Variants in ZMYND8 observed in about 807,000 individuals in gnomAD.
ZMYND8 encodes the protein MYND-type zinc finger-containing chromatin reader ZMYND8.
In ZMYND8, 37 loss-of-function variants were observed where a neutral mutation model predicts 140.8. The ratio of observed to expected loss-of-function variants is 0.26; its 90% CI spans 0.20 to 0.35. ZMYND8 has a LOEUF of 0.35. Among genes scored for constraint, ZMYND8 ranks in the 10% least tolerant of loss-of-function variants. The pLI is 1.00. For missense variants in ZMYND8, 1,068 were observed against 1,570.0 expected, an observed-to-expected ratio of 0.68 and a Z score of 5.40; for synonymous variants, 592 against 597.1, an observed-to-expected ratio of 0.99 and a Z score of 0.12.
intron 11 of ZMYND8, among the ~76,000 whole-genome samples, chr20:47,269,160 C>CT (rs1474666430): frequency 1.3e-5 from 2 of 152,178 alleles, no homozygotes; most frequent in African/African-American, 4.8e-5. Context: ...GATCATGCCA[C>CT]TGCACTCCAG....
At position 47,298,605 on chromosome 20, in the gene ZMYND8, A is replaced by G. The variant is rs2077800462; in HGVS notation, c.453+124T>C. ...AAGAAGGGGGTGACCAGGATAGAAC[A>G]GGTGGAAAGCAAGAAATTTCTCTTT... On this transcript the variant is annotated intron_variant, in intron 4 of 22. Coordinates refer to ENST00000471951, the MANE Select transcript of ZMYND8 (RefSeq NM_001281775.3). The surrounding 1 kb of genome is among the most constrained non-coding windows in gnomAD (Gnocchi z 5.0). 2 of 1,500,442 alleles carry G rather than the reference A, an allele frequency of 1.3e-6. No individual in the cohort carries two copies. Among genetic ancestry groups the G allele is most frequent in the Non-Finnish European group, 8.9e-7 (1 of 1,123,968 alleles). The allele number at this position is 1,500,442 out of a possible 1,614,324, so 92.9% of individuals were successfully genotyped here. A position where few individuals can be genotyped will look rare whatever the true frequency, so the allele number is the denominator to read the frequency against.
intron 2 of ZMYND8, among the ~76,000 whole-genome samples, chr20:47,346,972 C>G (rs6066279): frequency 6.6e-6 from 1 of 152,160 alleles, no homozygotes; most frequent in African/African-American, 2.4e-5. Context: ...TCACTTTGTG[C>G]GACACTCTGC....
chr20:47,318,967 G>A, intron 2 of ZMYND8: 1 of 1,351,584 alleles, frequency 7.4e-7, no homozygotes, highest in South Asian at 1.1e-5. Flanking sequence ...TTGAGAAAGT[G>A]CGGCTGCTCA....
intron 4 of ZMYND8, among the ~76,000 whole-genome samples, chr20:47,297,040 A>G (rs1304111563): frequency 6.6e-6 from 1 of 152,156 alleles, no homozygotes; most frequent in Admixed American, 6.5e-5. Context: ...AACAATTGGG[A>G]AAAGTTGGCC....
At chr20:47,216,049 G>A (rs949536584) in intron 21 of ZMYND8, among the ~76,000 whole-genome samples, 4 of 152,204 alleles carry the variant, frequency 2.6e-5, no homozygotes, top group Admixed American at 1.3e-4. Flanking sequence ...AGCACACCAC[G>A]GAGGCCCTGC....
In ZMYND8 at chr20:47,229,934, C is replaced by T. The variant is rs1023756407; in HGVS notation, c.2857-128G>A. 72 of 732,790 alleles carry T rather than the reference C, an allele frequency of 9.8e-5. No individual in the cohort carries two copies. The African/African-American group carries it at 1.2e-3, about 13-fold the overall frequency. 45.4% of individuals were successfully genotyped at this position (732,790 alleles called of 1,614,324 possible). The stretch of plus-strand genomic sequence containing the variant: ...TAGGGCAATTTTGTCCCGCATGAGA[C>T]ACTGGGCATTTCTGGTTGCCATGAC... On this transcript the variant is annotated intron_variant, in intron 16 of 22. Transcript: ENST00000471951.
chr20:47,303,709 A>C (rs927978544), intron 3 of ZMYND8, among the ~76,000 whole-genome samples: 5 of 151,920 alleles, frequency 3.3e-5, no homozygotes, highest in African/African-American at 1.2e-4. Flanking sequence ...AAAAAAAAAG[A>C]AGCTGGAAGA....
chr20:47,348,577 C>T (rs546797461), intron 1 of ZMYND8: 6 of 153,212 alleles, frequency 3.9e-5, no homozygotes, highest in African/African-American at 1.4e-4. Context: ...GCACGGCTTA[C>T]TACTGAGTTG....
intron 3 of ZMYND8, 56 bp downstream of exon 3, chr20:47,310,000 C>A (rs1178915296): frequency 4.0e-5 from 64 of 1,609,776 alleles, no homozygotes; most frequent in Non-Finnish European, 4.9e-5. Flanking sequence ...AGGTTCAGCG[C>A]TACTAGCTGG....
intron 11 of ZMYND8, among the ~76,000 whole-genome samples, chr20:47,267,354 G>A (rs1050057259): frequency 1.3e-5 from 2 of 152,098 alleles, no homozygotes; most frequent in Non-Finnish European, 2.9e-5. Flanking sequence ...GGTGGTGGCT[G>A]CACAGCACTG....
chr20:47,243,061 C>A (rs1302440401), intron 14 of ZMYND8, among the ~76,000 whole-genome samples: 1 of 152,162 alleles, frequency 6.6e-6, no homozygotes, highest in Non-Finnish European at 1.5e-5. Context: ...ACTGATGTGC[C>A]AGTGAAAGCA....
chr20:47,317,993 G>A (rs2079551170), intron 2 of ZMYND8, among the ~76,000 whole-genome samples: 1 of 152,046 alleles, frequency 6.6e-6, no homozygotes, highest in Middle Eastern at 3.2e-3. Flanking sequence ...TAACTAATGG[G>A]TAACTGTATT....
intron 12 of ZMYND8, among the ~76,000 whole-genome samples, chr20:47,255,206 A>G (rs757931480): frequency 6.6e-6 from 1 of 152,126 alleles, no homozygotes; most frequent in Non-Finnish European, 1.5e-5. Flanking sequence ...CTCATGCTAT[A>G]TATCTAGAAG....
At chr20:47,220,502 G>A (rs192685501) in intron 20 of ZMYND8, among the ~76,000 whole-genome samples, 178 bp from the exon 21 acceptor site, 7 of 152,290 alleles carry the variant, frequency 4.6e-5, no homozygotes, top group Admixed American at 4.6e-4. Context: ...CCAAACCCCA[G>A]GTACCATCTC....
chr20:47,329,095 A>C (rs2080717262), intron 2 of ZMYND8, among the ~76,000 whole-genome samples: 1 of 152,232 alleles, frequency 6.6e-6, no homozygotes, highest in Non-Finnish European at 1.5e-5. Flanking sequence ...TTTTCAAAGA[A>C]TAGGCAAGCT....
chr20:47,344,960 T>A (rs185990696), intron 2 of ZMYND8, among the ~76,000 whole-genome samples: 1,945 of 151,318 alleles, frequency 0.013, 18 homozygotes, highest in Non-Finnish European at 0.019. Context: ...AAAAAAAAAA[T>A]TTTTTTAATT....
At chr20:47,221,846 T>A (rs1415396223) in intron 19 of ZMYND8, among the ~76,000 whole-genome samples, 1 of 152,152 alleles carries the variant, frequency 6.6e-6, no homozygotes, top group Non-Finnish European at 1.5e-5. Context: ...TTTGTATTTT[T>A]AGTAGAGACA....
intron 2 of ZMYND8, among the ~76,000 whole-genome samples, chr20:47,311,649 G>A (rs959990653): frequency 1.3e-5 from 2 of 151,242 alleles, no homozygotes; most frequent in South Asian, 2.1e-4. Flanking sequence ...GAACAATGGC[G>A]GGAGGTCATG....
intron 15 of ZMYND8, 143 bp downstream of exon 15, chr20:47,238,615 T>C: frequency 7.2e-7 from 1 of 1,395,320 alleles, no homozygotes; most frequent in South Asian, 1.3e-5. Flanking sequence ...TAATGCCAAA[T>C]GGAATGTGCA....
Sources: gnomAD v4.1 joint callset for allele counts (sites outside exome capture counted in the v4.1 genomes callset) on GRCh38, gnomAD v4.1.1 for gene constraint, Gnocchi (gnomAD v3.1) non-coding constraint, MANE v1.5 for transcripts, NCBI Gene and HGNC (gene_info 2026-07-23, HGNC 2026-07-21) for gene names.